The following GNA15 variants were observed in gnomAD, a reference collection of about 807,000 sequenced individuals.
The protein encoded by GNA15 is guanine nucleotide-binding protein subunit alpha-15.
GNA15 carries 23 observed loss-of-function variants against 40.1 expected under a neutral mutation model. The observed-to-expected ratio is 0.57, with a 90% CI of 0.41 to 0.81. GNA15 has a LOEUF of 0.81. Among genes scored for constraint, GNA15 ranks in the 40% least tolerant of loss-of-function variants. The pLI, the probability that GNA15 is intolerant of heterozygous loss-of-function variation, is 0.00. For missense variants in GNA15, 522 were observed against 515.8 expected (o/e 1.01, Z -0.12); for synonymous variants, 226 against 210.4 (o/e 1.07, Z -0.64).
At chr19:3,141,094 G>GAC (rs1268827598) in intron 1 of GNA15, among the ~76,000 whole-genome samples, 1 of 143,042 alleles carries the variant, frequency 7.0e-6, no homozygotes, top group Non-Finnish European at 1.6e-5. Context: ...TGGCAAAAAG[G>GAC]ACCAGGGTGG....
chr19:3,150,315 C>T (rs760168558), intron 3 of GNA15, 30 bp downstream of exon 3: 2 of 1,507,656 alleles, frequency 1.3e-6, no homozygotes, highest in Non-Finnish European at 1.8e-6. Context: ...GGGATGGGCG[C>T]GTGGGGAGGG....
rs192916469 is a variant in GNA15, at chr19:3,155,675, G to A, written c.615-148G>A. The A allele has an allele frequency of 2.8e-5, 25 of 877,400 alleles. No homozygotes were observed. In the African/African-American group the frequency reaches 3.9e-4, roughly 14 times the overall value. The allele number at this position is 877,400 out of a possible 1,614,324, so 54.4% of individuals were successfully genotyped here. On this transcript the variant is annotated intron_variant, in intron 4 of 6. Coordinates refer to ENST00000262958, the MANE Select transcript of GNA15 (RefSeq NM_002068.4). The surrounding 1 kb of genome is among the most constrained non-coding windows in gnomAD (Gnocchi z 5.6). Reference sequence around the variant, plus strand: ...GGCGTAAGACTCATCCTTGCCTCGCGGGAATGACATGGCAAATCCACGAGA... The same window carrying A: ...GGCGTAAGACTCATCCTTGCCTCGCAGGAATGACATGGCAAATCCACGAGA...
rs887523880 is a variant in GNA15 at position 3,155,783 on chromosome 19, G to C, written c.615-40G>C. On this transcript the variant is annotated intron_variant, in intron 4 of 6. Transcript: ENST00000262958. The surrounding 1 kb of genome is among the most constrained non-coding windows in gnomAD (Gnocchi z 5.6). ...GGGGGTTGGGGGTGTCACGGAGCAG[G>C]CTCCTGAGCTCTGAAAGGGGGCACC... 6.2e-7 allele frequency: 1 copy of C among 1,601,454 alleles called. No individual in the cohort carries two copies. Among genetic ancestry groups the C allele is most frequent in the Non-Finnish European group, 8.5e-7 (1 of 1,175,942 alleles).
intron 2 of GNA15, 200 bp downstream of exon 2, chr19:3,148,975 A>G (rs1274512910): frequency 1.7e-6 from 1 of 583,864 alleles, no homozygotes; most frequent in East Asian, 2.8e-5. Flanking sequence ...ACACACAAGT[A>G]TACACGCATA....
chr19:3,161,074 C>A lies in GNA15; in HGVS notation c.899-1719C>A, dbSNP rs201121715. Among the ~76,000 whole-genome samples, 4 of 151,568 alleles carry A rather than the reference C, an allele frequency of 2.6e-5. No individual in the cohort carries two copies. In the East Asian group the frequency reaches 7.8e-4, roughly 29 times the overall value. On this transcript the variant is annotated intron_variant, in intron 6 of 6. Coordinates refer to ENST00000262958, the MANE Select transcript of GNA15 (RefSeq NM_002068.4). The stretch of plus-strand genomic sequence containing the variant: ...CCTCCCACCTCAGCCTCTTGAGTTG[C>A]TGGGACTACAGGCGCACACCACCAC...
At chr19:3,150,097 G>T in intron 2 of GNA15, 34 bp from the exon 3 acceptor site, 1 of 1,601,098 alleles carries the variant, frequency 6.2e-7, no homozygotes, top group South Asian at 1.1e-5. Context: ...CACTCAGAAA[G>T]GCTACCCTAA....
At chr19:3,145,359 A>ATATATATATATACTT in intron 1 of GNA15, among the ~76,000 whole-genome samples, 2 of 46,972 alleles carry the variant, frequency 4.3e-5, no homozygotes, top group African/African-American at 1.8e-4. Context: ...ATATATATAT[A>ATATATATATATACTT]TTTTTTTTTT....
intron 6 of GNA15, among the ~76,000 whole-genome samples, chr19:3,160,380 T>A (rs1380635410): frequency 6.6e-6 from 1 of 152,170 alleles, no homozygotes; most frequent in African/African-American, 2.4e-5. Flanking sequence ...ATCCACAGCC[T>A]CTTCACATGG....
chr19:3,146,270 C>G (rs8105750), intron 1 of GNA15: 43,528 of 152,048 alleles, frequency 0.29, 6,639 homozygotes, highest in African/African-American at 0.39. Context: ...GGGCAAGCCT[C>G]CAGCCCCCAC....
chr19:3,155,975 C>T lies in GNA15; in HGVS notation c.744+23C>T, dbSNP rs755739522. On this transcript the variant is annotated intron_variant, in intron 5 of 6. Transcript: ENST00000262958. The surrounding 1 kb of genome is among the most constrained non-coding windows in gnomAD (Gnocchi z 5.6). ...GAGGTGCGCCACCGCCTCCCTCGCC[C>T]TGCCCACTTGTTGGCCCAGGGACCC... is the stretch of plus-strand genomic sequence containing the variant. 29 of 1,610,856 alleles carry T rather than the reference C, an allele frequency of 1.8e-5. No individual in the cohort carries two copies. The Middle Eastern group carries it at 1.6e-3, about 92-fold the overall frequency.
chr19:3,160,135 T>C (rs1194613630), intron 6 of GNA15, among the ~76,000 whole-genome samples: 1 of 152,198 alleles, frequency 6.6e-6, no homozygotes, highest in Non-Finnish European at 1.5e-5. Flanking sequence ...GCTGGGTAAG[T>C]TCATCTCTGA....
chr19:3,147,608 T>C (rs2144849478), intron 1 of GNA15, among the ~76,000 whole-genome samples: 1 of 135,854 alleles, frequency 7.4e-6, no homozygotes, highest in Non-Finnish European at 1.6e-5. Context: ...ATAAAAAGTA[T>C]TAAAAACACA....
At chr19:3,138,251 A>T (rs1417615869) in intron 1 of GNA15, among the ~76,000 whole-genome samples, 4 of 151,958 alleles carry the variant, frequency 2.6e-5, no homozygotes, top group Non-Finnish European at 4.4e-5. Flanking sequence ...GGGCAACAAG[A>T]ACAAAACTCC....
rs952683920 is a variant in GNA15 at position 3,154,142 on chromosome 19, GGATA to G, written c.615-1677_615-1674del. 1.3e-3 allele frequency among the ~76,000 whole-genome samples: 195 copies of G among 147,842 alleles called. 2 individuals are homozygous for G. Among genetic ancestry groups the G allele is most frequent in the African/African-American group, 4.7e-3 (185 of 39,216 alleles). On this transcript the variant is annotated intron_variant, in intron 4 of 6. Coordinates refer to ENST00000262958, the MANE Select transcript of GNA15 (RefSeq NM_002068.4). ...TGAATGAATAGATGGATGGGTGGAT[GGATA>G]GATGGATGGATGGGTGGGATGGATG...
intron 1 of GNA15, among the ~76,000 whole-genome samples, chr19:3,137,577 A>G (rs1014230511): frequency 2.0e-5 from 3 of 152,056 alleles, no homozygotes; most frequent in Admixed American, 6.6e-5. Context: ...AGGTCGGGAG[A>G]TCGAGACCAG....
intron 1 of GNA15, among the ~76,000 whole-genome samples, chr19:3,147,086 T>A: frequency 6.6e-6 from 1 of 152,112 alleles, no homozygotes; most frequent in East Asian, 1.9e-4. Context: ...CTGAGAGGCC[T>A]TCCTTGACTG....
chr19:3,157,966 T>A, intron 6 of GNA15, 85 bp downstream of exon 6: 1 of 1,110,332 alleles, frequency 9.0e-7, no homozygotes, highest in South Asian at 1.3e-5. Flanking sequence ...TACTTCAGCC[T>A]GGAGTCACCG....
chr19:3,159,350 T>C (rs976844630), intron 6 of GNA15, among the ~76,000 whole-genome samples: 1 of 146,420 alleles, frequency 6.8e-6, no homozygotes, highest in Non-Finnish European at 1.5e-5. Flanking sequence ...TCTTTTCTTT[T>C]TTTTTTTTTT....
chr19:3,136,469 T>TGCTGCCCC lies in GNA15; in HGVS notation c.20_21insCTGCCCCG (p.Trp7CysfsTer11). On this transcript the variant is annotated frameshift_variant, in exon 1 of 7. Coordinates refer to ENST00000262958, the MANE Select transcript of GNA15 (RefSeq NM_002068.4). LOFTEE classifies it high-confidence loss of function. This position sits in a 1 kb window ranked among gnomAD's most constrained non-coding sequence, Gnocchi z 4.9. ...CCGCACCATGGCCCGCTCGCTGACC[T>TGCTGCCCC]GGCGCTGCTGCCCCTGGTGCCTGAC... 1 of 1,551,106 alleles carries TGCTGCCCC rather than the reference T, an allele frequency of 6.4e-7. No homozygotes were observed. Among genetic ancestry groups the TGCTGCCCC allele is most frequent in the African/African-American group, 1.4e-5 (1 of 73,244 alleles).
Sources: gnomAD v4.1 joint callset for allele counts (sites outside exome capture counted in the v4.1 genomes callset) on GRCh38, gnomAD v4.1.1 for gene constraint, Gnocchi (gnomAD v3.1) non-coding constraint, MANE v1.5 for transcripts, NCBI Gene and HGNC (gene_info 2026-07-23, HGNC 2026-07-21) for gene names.